Variants in BRAT1 observed in about 807,000 individuals in gnomAD.
The protein encoded by BRAT1 is BRCA1 associated ATM activator 1.
Under a neutral mutation model 70.6 loss-of-function variants are expected in BRAT1, and 74 were observed. The ratio of observed to expected loss-of-function variants is 1.05; its 90% CI spans 0.87 to 1.27. The LOEUF (loss-of-function observed/expected upper bound fraction) is 1.27, where lower values mean the gene tolerates loss of function less well. Ranked by LOEUF, BRAT1 falls within the 50% of genes most tolerant of loss-of-function variation. BRAT1 has a pLI of 0.00. For synonymous variants in BRAT1, 615 were observed against 517.1 expected (o/e 1.19, Z -2.57); for missense variants, 1,203 against 1,098.2 (o/e 1.10, Z -1.35).
rs2128391084 is a variant in BRAT1 at position 2,541,377 on chromosome 7, G to A, written c.1242C>T (p.His414=). The A allele has an allele frequency of 1.2e-6, 2 of 1,607,796 alleles. No homozygotes were observed. The highest frequency in any genetic ancestry group is 8.5e-7 in the Non-Finnish European group (1 of 1,179,378). The change falls in exon 9 of 14, where the codon CAC becomes CAT. Residue 414 remains histidine (H), a synonymous_variant. Coordinates refer to ENST00000340611, the MANE Select transcript of BRAT1 (RefSeq NM_152743.4). The stretch of plus-strand genomic sequence containing the variant: ...CGCAGCCCGCCAGGGTCCCACAGAG[G>A]TGGCCCCCCACACTGGAGGCAGGGG... ...SAAPASSVGG[H]LCGTLAGCVR...
In BRAT1 at chr7:2,543,471, C is replaced by A. The variant is rs985384495; in HGVS notation, c.803+119G>T. ...GAGGGTTCCAGGGTCACCCCGGTGC[C>A]GCTTCACTGCAGGCCATGTCCTCAG... is the stretch of plus-strand genomic sequence containing the variant. On this transcript the variant is annotated intron_variant, in intron 5 of 13. Coordinates refer to ENST00000340611, the MANE Select transcript of BRAT1 (RefSeq NM_152743.4). The surrounding 1 kb of genome is among the most constrained non-coding windows in gnomAD (Gnocchi z 5.5). 6.8e-7 allele frequency: 1 copy of A among 1,479,170 alleles called. No homozygotes were observed. Among genetic ancestry groups the A allele is most frequent in the African/African-American group, 1.4e-5 (1 of 70,804 alleles). 91.6% of individuals were successfully genotyped at this position (1,479,170 alleles called of 1,614,324 possible).
In BRAT1 at chr7:2,538,243, T is replaced by TG. The variant is rs1463777746; in HGVS notation, c.2291dup (p.Gly765ArgfsTer6). On this transcript the variant is annotated frameshift_variant, in exon 14 of 14. Transcript: ENST00000340611. LOFTEE classifies it high-confidence loss of function. ...GCACAGCCTCAGGCTCCTGGTCCCC[T>TG]GGGGGCTGGGCCTGCTCACCCGCCC... 41 of 1,609,926 alleles carry TG rather than the reference T, an allele frequency of 2.5e-5. No homozygotes were observed. Among genetic ancestry groups the TG allele is most frequent in the Non-Finnish European group, 3.4e-5 (40 of 1,178,628 alleles).
intron 2 of BRAT1, among the ~76,000 whole-genome samples, chr7:2,553,192 G>A (rs1282211900): frequency 1.3e-5 from 2 of 151,892 alleles, no homozygotes; most frequent in African/African-American, 2.4e-5. Context: ...CACCATGCCC[G>A]GCTAATTTTT....
At chr7:2,545,392 A>AAAAAAG (rs1779531645) in intron 3 of BRAT1, among the ~76,000 whole-genome samples, 1 of 135,376 alleles carries the variant, frequency 7.4e-6, no homozygotes, top group African/African-American at 2.8e-5. Flanking sequence ...AAAAAAAAAG[A>AAAAAAG]GGTGAGGGGA....
chr7:2,541,042 C>T lies in BRAT1; in HGVS notation c.1332G>A (p.Glu444=), dbSNP rs1193134503. ...GGACAGCAAGCGCCTGCGTCACCAGCTCCTGGGGGCCTGAGACAGAGGTGA... is the reference window on the plus strand; with the variant it reads ...GGACAGCAAGCGCCTGCGTCACCAGTTCCTGGGGGCCTGAGACAGAGGTGA... The part of the protein sequence containing the change: ...GTLSQGTGPQ[E]LVTQALAVLL... The change falls in exon 10 of 14, where the codon GAG becomes GAA. Residue 444 remains glutamate (E), a synonymous_variant. Transcript: ENST00000340611. 1 of 1,568,624 alleles carries T rather than the reference C, an allele frequency of 6.4e-7. No individual in the cohort carries two copies. Among genetic ancestry groups the T allele is most frequent in the Non-Finnish European group, 8.6e-7 (1 of 1,166,764 alleles).
At position 2,542,465 on chromosome 7, in the gene BRAT1, G is replaced by A. The variant is rs373677062; in HGVS notation, c.924-254C>T. The A allele has an allele frequency of 2.0e-5, 11 of 549,708 alleles. No individual in the cohort carries two copies. The African/African-American group carries it at 2.1e-4, about 11-fold the overall frequency. The allele number at this position is 549,708 out of a possible 1,614,324, so 34.1% of individuals were successfully genotyped here. On this transcript the variant is annotated intron_variant, in intron 6 of 13. Coordinates refer to ENST00000340611, the MANE Select transcript of BRAT1 (RefSeq NM_152743.4). ...ACTGAGGGGCCTCCAGGAGGGCCTGGCCATGCACCCAGAGAGAGGGGCAGT... is the reference window on the plus strand; with the variant it reads ...ACTGAGGGGCCTCCAGGAGGGCCTGACCATGCACCCAGAGAGAGGGGCAGT...
At chr7:2,551,257 ATATC>A (rs1444122178) in intron 2 of BRAT1, among the ~76,000 whole-genome samples, 5 of 149,858 alleles carry the variant, frequency 3.3e-5, no homozygotes, top group Non-Finnish European at 1.5e-5. Flanking sequence ...AAAAAAATCT[ATATC>A]TATATATATA....
At chr7:2,540,576 C>A in intron 10 of BRAT1, 1 of 182,372 alleles carries the variant, frequency 5.5e-6, no homozygotes, top group Non-Finnish European at 1.1e-5. Context: ...GTCTGCTCAG[C>A]GGCAGGTGGC....
At position 2,537,975 on chromosome 7, in the gene BRAT1, G is replaced by C; in HGVS notation, c.*94C>G. 7.0e-7 allele frequency: 1 copy of C among 1,419,328 alleles called. No individual in the cohort carries two copies. The allele number at this position is 1,419,328 out of a possible 1,614,324, so 87.9% of individuals were successfully genotyped here. A position where few individuals can be genotyped will look rare whatever the true frequency, so the allele number is the denominator to read the frequency against. On this transcript the variant is annotated 3_prime_UTR_variant, in exon 14 of 14. Transcript: ENST00000340611. Reference sequence around the variant, plus strand: ...CTGGCTTCCCCAGAGGATCCACCGGGCTGGGCTGGAGCCCTGGGGCTGGCA... The same window carrying C: ...CTGGCTTCCCCAGAGGATCCACCGGCCTGGGCTGGAGCCCTGGGGCTGGCA...
chr7:2,547,249 T>C (rs1583322750), intron 3 of BRAT1, 75 bp downstream of exon 3: 3 of 1,560,220 alleles, frequency 1.9e-6, no homozygotes, highest in African/African-American at 1.4e-5. Context: ...TGGCTACAAA[T>C]GCCCCACCTG....
chr7:2,550,467 C>CAAAAAAAAAAAAAAA (rs71550358), intron 2 of BRAT1, among the ~76,000 whole-genome samples: 2 of 32,626 alleles, frequency 6.1e-5, no homozygotes, highest in Non-Finnish European at 1.1e-4. Context: ...GACTCCATCT[C>CAAAAAAAAAAAAAAA]AAAAAAAAAA....
At chr7:2,551,892 C>T (rs1780030001) in intron 2 of BRAT1, among the ~76,000 whole-genome samples, 1 of 148,140 alleles carries the variant, frequency 6.8e-6, no homozygotes, top group African/African-American at 2.5e-5. Context: ...AATTAAAAAT[C>T]AATAATAAAA....
intron 7 of BRAT1, 70 bp from the exon 8 acceptor site, chr7:2,541,906 C>T (rs1036580010): frequency 3.1e-5 from 47 of 1,509,770 alleles, no homozygotes; most frequent in African/African-American, 1.8e-4. Flanking sequence ...AGCCACCCCA[C>T]GGTCACCACC....
At chr7:2,553,077 C>T (rs988797542) in intron 2 of BRAT1, among the ~76,000 whole-genome samples, 1 of 151,612 alleles carries the variant, frequency 6.6e-6, no homozygotes, top group African/African-American at 2.4e-5. Context: ...TCCATTCTGT[C>T]GCTGGAGTGC....
At chr7:2,547,193 G>T in intron 3 of BRAT1, 131 bp downstream of exon 3, 1 of 1,199,176 alleles carries the variant, frequency 8.3e-7, no homozygotes, top group Non-Finnish European at 1.2e-6. Flanking sequence ...TGCAGTTCTA[G>T]TGAGGACACA....
rs773772842 is a variant in BRAT1 at position 2,541,414 on chromosome 7, TCA to T, written c.1203_1204del (p.Cys401Ter). The T allele has an allele frequency of 7.5e-6, 12 of 1,595,458 alleles. No individual in the cohort carries two copies. The highest frequency in any genetic ancestry group is 1.0e-5 in the Non-Finnish European group (12 of 1,172,582). ...ACTGGAGGCAGGGGCAGCCGAGCCG[TCA>T]CAGAGCCGCAGGACAGTCACTGTAG... On this transcript the variant is annotated stop_gained and frameshift_variant, in exon 9 of 14. Coordinates refer to ENST00000340611, the MANE Select transcript of BRAT1 (RefSeq NM_152743.4). LOFTEE classifies it high-confidence loss of function.
At position 2,541,730 on chromosome 7, in the gene BRAT1, C is replaced by G; in HGVS notation, c.1122G>C (p.Glu374Asp). ...GGGCCGCACCTACCAGCGGCTGCAG[C>G]TCCTCCAGGTGAGCCAGGGTGCGGC... ...LLCRTLAHLE[E>D]LQPLPQRPSP... The change falls in exon 8 of 14, where the codon GAG (glutamate) becomes GAC (aspartate). Residue 374 changes from glutamate (E) to aspartate (D), a missense_variant. Coordinates refer to ENST00000340611, the MANE Select transcript of BRAT1 (RefSeq NM_152743.4). The G allele has an allele frequency of 6.2e-7, 1 of 1,608,856 alleles. No individual in the cohort carries two copies. The highest frequency in any genetic ancestry group is 2.2e-5 in the East Asian group (1 of 44,750).
chr7:2,547,615 T>TA, intron 2 of BRAT1, 137 bp from the exon 3 acceptor site: 1 of 878,024 alleles, frequency 1.1e-6, no homozygotes. Flanking sequence ...GGGAAAAAAA[T>TA]ATCTGCAACA....
rs1447671759 is a variant in BRAT1 at position 2,538,070 on chromosome 7, C to T, written c.2465G>A (p.Ter822=). 6.4e-7 allele frequency: 1 copy of T among 1,559,372 alleles called. No individual in the cohort carries two copies. The highest frequency in any genetic ancestry group is 8.7e-7 in the Non-Finnish European group (1 of 1,147,364). ...CCCAGTGGCAGACTCTGGTTCTGCT[C>T]AGTAGCAGTCGGCCTCGTCCCCCTG... ...FLQGDEADCY[*] is the part of the protein sequence containing the mutation. The change falls in exon 14 of 14, where the codon TGA becomes TAA. Residue 822 remains the stop codon, a stop_retained_variant. Transcript: ENST00000340611.
Sources: gnomAD v4.1 joint callset for allele counts (sites outside exome capture counted in the v4.1 genomes callset) on GRCh38, gnomAD v4.1.1 for gene constraint, Gnocchi (gnomAD v3.1) non-coding constraint, MANE v1.5 for transcripts, NCBI Gene and HGNC (gene_info 2026-07-23, HGNC 2026-07-21) for gene names.